Variants in CBLB observed in about 807,000 individuals in gnomAD.
CBLB encodes the protein E3 ubiquitin-protein ligase CBL-B.
Under a neutral mutation model 104.9 loss-of-function variants are expected in CBLB, and 31 were observed. The ratio of observed to expected loss-of-function variants is 0.30; its 90% CI spans 0.22 to 0.40. The LOEUF (loss-of-function observed/expected upper bound fraction) is 0.40, where lower values mean the gene tolerates loss of function less well. Ranked by LOEUF, CBLB falls within the 10% of genes least tolerant of loss-of-function variation. CBLB has a pLI of 1.00. For synonymous variants in CBLB, 440 were observed against 422.6 expected, an observed-to-expected ratio of 1.04 and a Z score of -0.51; for missense variants, 1,062 against 1,214.6, an observed-to-expected ratio of 0.87 and a Z score of 1.87.
At position 105,657,825 on chromosome 3, in the gene CBLB, G is replaced by T; in HGVS notation, c.*1145C>A. 4.8e-6 allele frequency: 1 copy of T among 206,934 alleles called. No individual in the cohort carries two copies. Among genetic ancestry groups the T allele is most frequent in the Non-Finnish European group, 9.9e-6 (1 of 101,440 alleles). The allele number at this position is 206,934 out of a possible 1,614,324, so 12.8% of individuals were successfully genotyped here. A position where few individuals can be genotyped will look rare whatever the true frequency, so the allele number is the denominator to read the frequency against. Reference sequence around the variant, plus strand: ...ATTTGATTGCAGAGAGAAAATTACTGAGAACTTTGCAAAAAACATTGCCAC... The same window carrying T: ...ATTTGATTGCAGAGAGAAAATTACTTAGAACTTTGCAAAAAACATTGCCAC... On this transcript the variant is annotated 3_prime_UTR_variant, in exon 19 of 19. Transcript: ENST00000394030.
chr3:105,830,223 T>C (rs12632595), intron 3 of CBLB, among the ~76,000 whole-genome samples: 14,706 of 150,572 alleles, frequency 0.098, 940 homozygotes, highest in East Asian at 0.25. Flanking sequence ...AAGCCTACTA[T>C]TAATAAATAA....
intron 3 of CBLB, among the ~76,000 whole-genome samples, chr3:105,846,357 A>G (rs144759102): frequency 0.013 from 2,052 of 152,164 alleles, 44 homozygotes; most frequent in African/African-American, 0.047. Flanking sequence ...GTATCATTAC[A>G]TATTTCATAG....
Position 105,740,523 on chromosome 3 carries a change from T to G in CBLB, c.954A>C (p.Gln318His). 1 of 1,614,108 alleles carries G rather than the reference T, an allele frequency of 6.2e-7. No homozygotes were observed. Among genetic ancestry groups the G allele is most frequent in the Non-Finnish European group, 8.5e-7 (1 of 1,179,988 alleles). The stretch of plus-strand genomic sequence containing the variant: ...CTTCCCTGCTGCCATCAATCAGGGC[T>G]TGAAATAAGGGCTTGTTATGAGGTA... ...QTIPHNKPLF[Q>H]ALIDGSREGF... The change falls in exon 7 of 19, where the codon CAA (glutamine) becomes CAC (histidine). Residue 318 changes from glutamine to histidine, a missense_variant. Gln to His is a conservative substitution (Grantham distance 24). Transcript: ENST00000394030.
intron 5 of CBLB, among the ~76,000 whole-genome samples, 179 bp downstream of exon 5, chr3:105,751,283 A>G (rs1379241717): frequency 1.3e-5 from 2 of 152,208 alleles, no homozygotes; most frequent in Non-Finnish European, 1.5e-5. Context: ...GGCTCACTCT[A>G]AACTTTTAAC....
chr3:105,850,409 A>G (rs1021519456), intron 3 of CBLB, among the ~76,000 whole-genome samples: 2 of 152,102 alleles, frequency 1.3e-5, no homozygotes, highest in African/African-American at 2.4e-5. Flanking sequence ...GAGGTTTCTT[A>G]AAGGTTTTCC....
At chr3:105,770,379 C>G (rs192673391) in intron 4 of CBLB, among the ~76,000 whole-genome samples, 1 of 152,142 alleles carries the variant, frequency 6.6e-6, no homozygotes, top group Non-Finnish European at 1.5e-5. Flanking sequence ...AGCCCTTCAC[C>G]CTTCCAATAG....
At chr3:105,750,706 G>A (rs1189141987) in intron 5 of CBLB, among the ~76,000 whole-genome samples, 3 of 152,072 alleles carry the variant, frequency 2.0e-5, no homozygotes, top group African/African-American at 7.2e-5. Flanking sequence ...GAAAATGATA[G>A]TATCCATATA....
chr3:105,707,653 G>A (rs1399963391), intron 10 of CBLB, among the ~76,000 whole-genome samples: 3 of 152,026 alleles, frequency 2.0e-5, no homozygotes, highest in Admixed American at 6.6e-5. Context: ...TCATATAGAA[G>A]GTCACTTTTA....
At chr3:105,765,384 A>T (rs1030235492) in intron 4 of CBLB, among the ~76,000 whole-genome samples, 4 of 152,198 alleles carry the variant, frequency 2.6e-5, no homozygotes, top group African/African-American at 7.2e-5. Flanking sequence ...TCTTTCTACC[A>T]TGTGAGGATA....
intron 3 of CBLB, among the ~76,000 whole-genome samples, chr3:105,781,230 A>G (rs2080223031): frequency 6.6e-6 from 1 of 152,190 alleles, no homozygotes; most frequent in South Asian, 2.1e-4. Context: ...AATGGTATGA[A>G]TCAATTTCTC....
intron 3 of CBLB, among the ~76,000 whole-genome samples, chr3:105,786,162 T>C (rs1276116674): frequency 5.3e-5 from 8 of 151,396 alleles, no homozygotes. Flanking sequence ...TAAAAGGCTA[T>C]AAATACCACA....
At position 105,659,111 on chromosome 3, in the gene CBLB, A is replaced by G. The variant is rs2063532488; in HGVS notation, c.2808T>C (p.Ile936=). The G allele has an allele frequency of 6.2e-7, 1 of 1,613,948 alleles. No individual in the cohort carries two copies. Among genetic ancestry groups the G allele is most frequent in the Non-Finnish European group, 8.5e-7 (1 of 1,179,926 alleles). ...CATAACCCTCTCCCATGAGTTTTGCAATTTTTGCATCGACATTTTCCAATG... is the reference window on the plus strand; with the variant it reads ...CATAACCCTCTCCCATGAGTTTTGCGATTTTTGCATCGACATTTTCCAATG... ...EAALENVDAK[I]AKLMGEGYAF... is the part of the protein sequence containing the mutation. Residue 936 remains isoleucine (I), a synonymous_variant, in exon 19 of 19, where the codon ATT becomes ATC. Transcript: ENST00000394030.
At chr3:105,865,719 C>A (rs570196758) in intron 2 of CBLB, among the ~76,000 whole-genome samples, 4 of 152,138 alleles carry the variant, frequency 2.6e-5, no homozygotes, top group Non-Finnish European at 4.4e-5. Context: ...TTATATAAAT[C>A]TTTTTGATTT....
intron 3 of CBLB, among the ~76,000 whole-genome samples, chr3:105,796,011 T>C (rs867614885): frequency 7.2e-5 from 11 of 152,114 alleles, no homozygotes; most frequent in Admixed American, 3.9e-4. Flanking sequence ...AGTGAGCCAC[T>C]ATGCCAGGCC....
At chr3:105,681,952 C>T (rs1263764284) in intron 14 of CBLB, 134 bp from the exon 15 acceptor site, 1 of 642,932 alleles carries the variant, frequency 1.6e-6, no homozygotes, top group African/African-American at 1.8e-5. Context: ...CTCAAAATTA[C>T]CAGTAATAAC....
At chr3:105,837,497 G>C (rs1473042684) in intron 3 of CBLB, among the ~76,000 whole-genome samples, 1 of 152,198 alleles carries the variant, frequency 6.6e-6, no homozygotes, top group African/African-American at 2.4e-5. Context: ...AAGTCAATAA[G>C]AAAGCTATGC....
intron 6 of CBLB, among the ~76,000 whole-genome samples, chr3:105,744,577 T>A (rs1360044394): frequency 6.6e-6 from 1 of 151,912 alleles, no homozygotes; most frequent in Admixed American, 6.6e-5. Flanking sequence ...AAGACAAAAA[T>A]ATGGAAATTT....
At chr3:105,708,410 A>T (rs2070541105) in intron 10 of CBLB, among the ~76,000 whole-genome samples, 1 of 152,126 alleles carries the variant, frequency 6.6e-6, no homozygotes. Flanking sequence ...CTTGGGTAGA[A>T]AAGTAGCAAA....
chr3:105,849,166 G>A (rs1364110244), intron 3 of CBLB, among the ~76,000 whole-genome samples: 1 of 152,152 alleles, frequency 6.6e-6, no homozygotes, highest in Non-Finnish European at 1.5e-5. Context: ...AAGTGAATGT[G>A]TCCAAATATA....
Sources: allele counts gnomAD v4.1 joint callset (sites outside exome capture counted in the v4.1 genomes callset), GRCh38; gene constraint gnomAD v4.1.1; transcripts MANE v1.5; gene names NCBI Gene and HGNC (gene_info 2026-07-23, HGNC 2026-07-21).